CRB1: variants seen among roughly 807,000 people sequenced by gnomAD.
CRB1 encodes protein crumbs homolog 1.
CRB1 carries 83 observed loss-of-function variants against 120.0 expected under a neutral mutation model. The ratio of observed to expected loss-of-function variants is 0.69; its 90% CI spans 0.58 to 0.83. The LOEUF (loss-of-function observed/expected upper bound fraction) is 0.83. CRB1 is among the 40% of genes least tolerant of loss of function. The probability of loss-of-function intolerance (pLI) is 0.00; values close to 1 mark genes in which losing one functional copy is unlikely to be tolerated. For synonymous variants in CRB1, 625 were observed against 612.5 expected, an observed-to-expected ratio of 1.02 and a Z score of -0.30; for missense variants, 1,699 against 1,687.6, an observed-to-expected ratio of 1.01 and a Z score of -0.12.
intron 4 of CRB1, among the ~76,000 whole-genome samples, chr1:197,347,840 T>TAA (rs4026419): frequency 0.59 from 89,368 of 151,954 alleles, 30,183 homozygotes; most frequent in South Asian, 0.84. Context: ...GAAATAATGT[T>TAA]AAACTATTAG....
chr1:197,343,572 G>T (rs1659594128), intron 2 of CRB1, among the ~76,000 whole-genome samples: 1 of 151,518 alleles, frequency 6.6e-6, no homozygotes. Context: ...TGTATTTAAG[G>T]GTAGTATTTT....
At chr1:197,311,785 G>A (rs1477687757) in intron 1 of CRB1, among the ~76,000 whole-genome samples, 2 of 149,330 alleles carry the variant, frequency 1.3e-5, no homozygotes, top group Non-Finnish European at 1.5e-5. Flanking sequence ...GAAATTTCAA[G>A]TATATAATAC....
the CRB1 span, among the ~76,000 whole-genome samples, chr1:197,207,823 T>C: frequency 1.3e-5 from 2 of 152,110 alleles, no homozygotes; most frequent in African/African-American, 2.4e-5. Flanking sequence ...TTCCAAACTT[T>C]TAGATTTCTC....
At chr1:197,311,007 G>A (rs1022290715) in intron 1 of CRB1, among the ~76,000 whole-genome samples, 4 of 152,088 alleles carry the variant, frequency 2.6e-5, no homozygotes, top group South Asian at 2.1e-4. Context: ...AGAAATTTCC[G>A]ATGAATTAAA....
upstream of CRB1, among the ~76,000 whole-genome samples, chr1:197,266,982 G>T (rs1315955047): frequency 6.6e-6 from 1 of 152,026 alleles, no homozygotes; most frequent in Non-Finnish European, 1.5e-5. Flanking sequence ...GTTGCAAAAG[G>T]CATGACAGAA....
chr1:197,439,797 G>A (rs1665344781), intron 10 of CRB1: 1 of 152,088 alleles, frequency 6.6e-6, no homozygotes, highest in African/African-American at 2.4e-5. Flanking sequence ...GTGCTCCCTG[G>A]CAAGTGCCCT....
chr1:197,447,784 G>A (rs766697606), intron 11 of CRB1, among the ~76,000 whole-genome samples: 1 of 150,556 alleles, frequency 6.6e-6, no homozygotes, highest in Non-Finnish European at 1.5e-5. Flanking sequence ...AGCCTGGGAA[G>A]TCGAGGCTGC....
intron 11 of CRB1, among the ~76,000 whole-genome samples, chr1:197,469,198 C>T (rs150597205): frequency 4.6e-5 from 7 of 152,136 alleles, no homozygotes; most frequent in African/African-American, 7.2e-5. Context: ...CCAGCCTGAG[C>T]GACAGAGTGA....
chr1:197,318,399 A>G (rs1467007209), intron 1 of CRB1, among the ~76,000 whole-genome samples: 1 of 152,210 alleles, frequency 6.6e-6, no homozygotes, highest in African/African-American at 2.4e-5. Context: ...GCTGGTGGGA[A>G]TATAAATGAG....
At chr1:197,231,331 A>G in the CRB1 span, among the ~76,000 whole-genome samples, 12 of 152,290 alleles carry the variant, frequency 7.9e-5, no homozygotes, top group South Asian at 2.5e-3. Context: ...TTCATAAATC[A>G]CATTTAAAAT....
rs10540136 is a variant in CRB1, at chr1:197,290,265, C to CGTGTGTGTGTGTGTGT, written c.70+21808_70+21823dup. On this transcript the variant is annotated intron_variant, in intron 1 of 11. Transcript: ENST00000367400. ...AAAATCAGTTTTTTATGTTCCCTTT[C>CGTGTGTGTGTGTGTGT]GTGTGTGTGTGTGTGTGTGTGTGTG... Among the ~76,000 whole-genome samples, 84 of 136,978 alleles carry CGTGTGTGTGTGTGTGT rather than the reference C, an allele frequency of 6.1e-4. 1 individual carries two copies. The East Asian group carries it at 0.01, about 17-fold the overall frequency. 89.9% of individuals were successfully genotyped at this position (136,978 alleles called of 152,430 possible).
intron 11 of CRB1, among the ~76,000 whole-genome samples, chr1:197,474,216 C>T (rs1468317434): frequency 6.6e-6 from 1 of 152,036 alleles, no homozygotes; most frequent in African/African-American, 2.4e-5. Context: ...TTATTTGGTC[C>T]CATCCTTTGA....
chr1:197,356,806 G>A (rs1301559077), intron 4 of CRB1, 25 bp from the exon 5 acceptor site: 2 of 1,613,578 alleles, frequency 1.2e-6, no homozygotes, highest in Non-Finnish European at 1.7e-6. Context: ...TGACTTAGCA[G>A]CTTCTCTGAA....
At chr1:197,470,314 T>C (rs1666925791) in intron 11 of CRB1, among the ~76,000 whole-genome samples, 1 of 152,102 alleles carries the variant, frequency 6.6e-6, no homozygotes, top group African/African-American at 2.4e-5. Context: ...TGAAAGCTGA[T>C]TGCAATCAAA....
chr1:197,317,172 C>T (rs1657903539), intron 1 of CRB1, among the ~76,000 whole-genome samples: 1 of 152,134 alleles, frequency 6.6e-6, no homozygotes, highest in Admixed American at 6.5e-5. Flanking sequence ...AATCCCAGCA[C>T]TTTGGGAGGC....
chr1:197,355,594 G>C (rs575061794), intron 4 of CRB1, among the ~76,000 whole-genome samples: 1 of 152,188 alleles, frequency 6.6e-6, no homozygotes, highest in African/African-American at 2.4e-5. Context: ...TGGTGTGCTG[G>C]CACTGCTGGG....
rs535818837 is a variant in CRB1, at chr1:197,477,683, C to T, written c.4025C>T (p.Ser1342Phe). 3 of 1,613,820 alleles carry T rather than the reference C, an allele frequency of 1.9e-6. No homozygotes were observed. Among genetic ancestry groups the T allele is most frequent in the Non-Finnish European group, 2.5e-6 (3 of 1,179,804 alleles). Residue 1342 changes from serine (S) to phenylalanine (F), a missense_variant, in exon 12 of 12, where the codon TCC (serine) becomes TTC (phenylalanine). Transcript: ENST00000367400. ...CEVDLADDLI[S>F]DIFTTIGSVT... ...TTCCAGTTGGCAGATGACTTGATCTCCGACATTTTCACCACTATTGGCTCA... is the reference window on the plus strand; with the variant it reads ...TTCCAGTTGGCAGATGACTTGATCTTCGACATTTTCACCACTATTGGCTCA...
At chr1:197,333,587 T>A (rs2786114) in intron 2 of CRB1, among the ~76,000 whole-genome samples, 1 of 152,164 alleles carries the variant, frequency 6.6e-6, no homozygotes, top group Non-Finnish European at 1.5e-5. Context: ...AATATCTTAT[T>A]CCTCTATTAC....
intron 5 of CRB1, among the ~76,000 whole-genome samples, chr1:197,416,135 T>C (rs1388619262): frequency 6.6e-6 from 1 of 152,224 alleles, no homozygotes; most frequent in Non-Finnish European, 1.5e-5. Context: ...TGACTTGCAC[T>C]ATCATTTAGT....
Sources: allele counts gnomAD v4.1 joint callset (sites outside exome capture counted in the v4.1 genomes callset), GRCh38; gene constraint gnomAD v4.1.1; transcripts MANE v1.5; gene names NCBI Gene and HGNC (gene_info 2026-07-23, HGNC 2026-07-21).